STPG2: variants seen among roughly 807,000 people sequenced by gnomAD.
STPG2 encodes the protein sperm tail PG-rich repeat containing 2, also known as sperm-tail PG-rich repeat-containing protein 2.
Under a neutral mutation model 54.2 loss-of-function variants are expected in STPG2, and 56 were observed. That is an observed-to-expected ratio of 1.03 (90% CI 0.83 to 1.29). STPG2 has a LOEUF of 1.29. STPG2 is among the 50% of genes most tolerant of loss of function. STPG2 has a pLI of 0.00. For synonymous variants in STPG2, 200 were observed against 181.8 expected (o/e 1.10, Z -0.81); for missense variants, 596 against 544.9 (o/e 1.09, Z -0.93).
At position 97,502,609 on chromosome 4, in the gene STPG2, A is replaced by T. The variant is rs1395326010; in HGVS notation, c.462+210090T>A. On this transcript the variant is annotated intron_variant, in intron 4 of 4. Coordinates refer to the STPG2 transcript ENST00000522676. ...TCAAATATCAAGAATTCAAAAATTT[A>T]AAAAAATGAAATAGCCATACTTAGT... 7.2e-5 allele frequency among the ~76,000 whole-genome samples: 11 copies of T among 152,158 alleles called. No homozygotes were observed. The South Asian group carries it at 1.7e-3, about 23-fold the overall frequency.
At chr4:97,928,077 G>C (rs1411103292) in intron 8 of STPG2, among the ~76,000 whole-genome samples, 1 of 152,088 alleles carries the variant, frequency 6.6e-6, no homozygotes, top group East Asian at 1.9e-4. Context: ...AAATTTATTT[G>C]CATTTCACTT....
intron 4 of STPG2, among the ~76,000 whole-genome samples, chr4:97,548,780 CTGA>C (rs1731900958): frequency 6.6e-6 from 1 of 152,034 alleles, no homozygotes; most frequent in Non-Finnish European, 1.5e-5. Context: ...TTTGCAAATT[CTGA>C]TGATACTACT....
chr4:98,022,416 G>A (rs1383063911), intron 5 of STPG2, among the ~76,000 whole-genome samples: 1 of 152,118 alleles, frequency 6.6e-6, no homozygotes, highest in African/African-American at 2.4e-5. Flanking sequence ...TCCCTTTGTG[G>A]GTAACGTGAC....
chr4:97,733,699 C>T (rs1355103321), intron 9 of STPG2, among the ~76,000 whole-genome samples: 1 of 152,134 alleles, frequency 6.6e-6, no homozygotes, highest in Non-Finnish European at 1.5e-5. Context: ...TCACCCCTTC[C>T]CTAGAACTTA....
chr4:98,052,874 G>T (rs1043120633), intron 5 of STPG2, among the ~76,000 whole-genome samples: 1 of 152,250 alleles, frequency 6.6e-6, no homozygotes, highest in South Asian at 2.1e-4. Context: ...ACCACCCGAT[G>T]CTAAATTTGA....
downstream of STPG2, among the ~76,000 whole-genome samples, chr4:97,554,522 C>G (rs544507012): frequency 1.3e-5 from 2 of 152,198 alleles, 1 homozygote; most frequent in South Asian, 4.2e-4. Flanking sequence ...GTTGCAGGAG[C>G]CTTTCCATTA....
At chr4:97,850,281 G>C (rs2149130026) in intron 8 of STPG2, among the ~76,000 whole-genome samples, 1 of 50,170 alleles carries the variant, frequency 2.0e-5, no homozygotes, top group South Asian at 8.5e-4. Flanking sequence ...TGGGGAGGGG[G>C]GAGGGGGGAG....
At position 97,465,375 on chromosome 4, in the gene STPG2, G is replaced by C. The variant is rs116625561; in HGVS notation, c.462+247324C>G. 1.8e-3 allele frequency among the ~76,000 whole-genome samples: 276 copies of C among 152,262 alleles called. 1 individual carries two copies. Among genetic ancestry groups the C allele is most frequent in the African/African-American group, 6.3e-3 (263 of 41,554 alleles). On this transcript the variant is annotated intron_variant, in intron 4 of 4. Transcript: ENST00000522676. ...GATTTTTCTTATTGTAAAGACAAGA[G>C]TGATGACTTTCAAGCTCTTTATATA...
chr4:98,106,293 A>G (rs1169127227), intron 4 of STPG2, among the ~76,000 whole-genome samples: 1 of 152,116 alleles, frequency 6.6e-6, no homozygotes, highest in Non-Finnish European at 1.5e-5. Flanking sequence ...ACCTATCTGA[A>G]TAATTATTAC....
At chr4:97,864,209 A>T (rs185741165) in intron 8 of STPG2, among the ~76,000 whole-genome samples, 6 of 152,350 alleles carry the variant, frequency 3.9e-5, no homozygotes, top group Admixed American at 3.9e-4. Flanking sequence ...CCATTGACTC[A>T]GCCCAAAATC....
intron 5 of STPG2, among the ~76,000 whole-genome samples, chr4:98,068,123 C>A (rs916612361): frequency 6.6e-6 from 1 of 152,150 alleles, no homozygotes; most frequent in South Asian, 2.1e-4. Context: ...GCTGTGCTCC[C>A]TTGGCTATCC....
At chr4:97,911,597 G>C (rs150993019) in intron 8 of STPG2, among the ~76,000 whole-genome samples, 2 of 152,210 alleles carry the variant, frequency 1.3e-5, no homozygotes, top group East Asian at 3.9e-4. Context: ...TTTTTAAGTG[G>C]GACCCTAATC....
chr4:97,890,900 T>C (rs1267707422), intron 8 of STPG2, among the ~76,000 whole-genome samples: 1 of 151,864 alleles, frequency 6.6e-6, no homozygotes, highest in Non-Finnish European at 1.5e-5. Flanking sequence ...AACAAATTAA[T>C]ATATAAAAAC....
chr4:97,594,241 T>C (rs1033336775), intron 10 of STPG2, among the ~76,000 whole-genome samples: 3 of 152,106 alleles, frequency 2.0e-5, no homozygotes, highest in African/African-American at 7.2e-5. Flanking sequence ...AATTCAAGGA[T>C]TCTAAGGAAT....
chr4:98,032,510 G>A lies in STPG2; in HGVS notation c.613-51192C>T, dbSNP rs949139405. Among the ~76,000 whole-genome samples the A allele has an allele frequency of 1.3e-4, 20 of 151,974 alleles. 1 individual carries two copies. Among genetic ancestry groups the A allele is most frequent in the African/African-American group, 3.4e-4 (14 of 41,370 alleles). On this transcript the variant is annotated intron_variant, in intron 5 of 10. Coordinates refer to ENST00000295268, the MANE Select transcript of STPG2 (RefSeq NM_174952.3). ...ATAATAGTGGGAAACTTTAACACCC[G>A]ACTGTCAACATTAGACAGATCAATG...
At chr4:97,913,454 T>A (rs1000596397) in intron 8 of STPG2, among the ~76,000 whole-genome samples, 2 of 152,176 alleles carry the variant, frequency 1.3e-5, no homozygotes, top group Non-Finnish European at 2.9e-5. Flanking sequence ...AGTATGAATA[T>A]GTCTGAAGTC....
At chr4:97,729,063 T>TTCCCTCTCTCTCTCTCTCTCTCTCTCTC (rs1724711530) in intron 9 of STPG2, among the ~76,000 whole-genome samples, 1 of 124,844 alleles carries the variant, frequency 8.0e-6, no homozygotes, top group African/African-American at 2.8e-5. Flanking sequence ...CCCCAAGAAT[T>TTCCCTCTCTCTCTCTCTCTCTCTCTCTC]TCTCTCTCTC....
At chr4:97,917,216 T>G (rs1421831193) in intron 8 of STPG2, 1 of 152,424 alleles carries the variant, frequency 6.6e-6, no homozygotes, top group Non-Finnish European at 1.5e-5. Context: ...CAAAGTTAAC[T>G]CCACAGAAAT....
At chr4:97,738,501 A>G (rs1725103048) in intron 9 of STPG2, among the ~76,000 whole-genome samples, 1 of 152,186 alleles carries the variant, frequency 6.6e-6, no homozygotes, top group Non-Finnish European at 1.5e-5. Context: ...GGCTCAAAAT[A>G]AAAGGATGGA....
Sources: allele counts gnomAD v4.1 joint callset (sites outside exome capture counted in the v4.1 genomes callset), GRCh38; gene constraint gnomAD v4.1.1; transcripts MANE v1.5; gene names NCBI Gene and HGNC (gene_info 2026-07-23, HGNC 2026-07-21).